FCGRT: variants seen among roughly 807,000 people sequenced by gnomAD.
FCGRT encodes Fc gamma receptor and transporter, also known as IgG receptor FcRn large subunit p51.
FCGRT carries 13 observed loss-of-function variants against 35.7 expected under a neutral mutation model. The ratio of observed to expected loss-of-function variants is 0.36; its 90% CI spans 0.24 to 0.58. FCGRT has a LOEUF of 0.58. FCGRT is among the 20% of genes least tolerant of loss of function. The probability of loss-of-function intolerance (pLI) is 0.77; values close to 1 mark genes in which losing one functional copy is unlikely to be tolerated. For missense variants in FCGRT, 455 were observed against 474.9 expected (o/e 0.96, Z 0.39); for synonymous variants, 233 against 216.5 (o/e 1.08, Z -0.67).
At chr19:49,513,164 G>A (rs571327923) in intron 1 of FCGRT, 4 of 338,264 alleles carry the variant, frequency 1.2e-5, no homozygotes, top group South Asian at 1.4e-4. Flanking sequence ...GGCGGAGCTC[G>A]GGGCCGGGAC....
intron 4 of FCGRT, among the ~76,000 whole-genome samples, chr19:49,518,146 ACT>A (rs2080019524): frequency 6.6e-6 from 1 of 151,840 alleles, no homozygotes; most frequent in South Asian, 2.1e-4. Context: ...TTAGTATGTA[ACT>A]CTACTAGGTA....
chr19:49,516,842 C>T (rs2080010624), intron 4 of FCGRT, among the ~76,000 whole-genome samples: 1 of 152,058 alleles, frequency 6.6e-6, no homozygotes, highest in African/African-American at 2.4e-5. Context: ...AGGCATGAGC[C>T]ACCACTCCTG....
Position 49,513,489 on chromosome 19 carries a change from G to A in FCGRT, c.73+16G>A. 1.6e-6 allele frequency: 2 copies of A among 1,242,656 alleles called. No homozygotes were observed. Among genetic ancestry groups the A allele is most frequent in the Non-Finnish European group, 2.0e-6 (2 of 987,978 alleles). 77.0% of individuals were successfully genotyped at this position (1,242,656 alleles called of 1,614,324 possible). A position where few individuals can be genotyped will look rare whatever the true frequency, so the allele number is the denominator to read the frequency against. On this transcript the variant is annotated intron_variant, in intron 2 of 6. Transcript: ENST00000221466. ...CTGGGCGCAGGTGAGGGCCGCTCCG[G>A]GCCAGGGCCCTGCTGCAGGCGGGCG...
Position 49,524,505 on chromosome 19 carries a change from A to G in FCGRT, c.602-2A>G, listed in dbSNP as rs112628631. On this transcript the variant is annotated splice_acceptor_variant, in intron 4 of 6. Transcript: ENST00000221466. LOFTEE classifies it high-confidence loss of function. ...TAGGCCTGTCTGCCTGATTTCCTGC[A>G]GAGCCCCCCTCCATGCGCCTGAAGG... 1 of 1,603,566 alleles carries G rather than the reference A, an allele frequency of 6.2e-7. No individual in the cohort carries two copies. Among genetic ancestry groups the G allele is most frequent in the African/African-American group, 1.3e-5 (1 of 74,712 alleles).
chr19:49,514,468 G>T lies in FCGRT; in HGVS notation c.583G>T (p.Gly195Ter). Residue 195 changes from glycine to a stop codon, truncating the protein, a stop_gained, in exon 4 of 7, where the codon GGA becomes TGA. Transcript: ENST00000221466. LOFTEE classifies it high-confidence loss of function. ...GCGGGAGCACCTGGAGAGGGGCCGC[G>T]GAAACCTGGAGTGGAAGGGTGAGCC... ...RLREHLERGRGNLEWKEPPSM... is the reference protein window; with the variant it reads ...RLREHLERGR The T allele has an allele frequency of 6.4e-7, 1 of 1,552,674 alleles. No individual in the cohort carries two copies.
At position 49,525,583 on chromosome 19, in the gene FCGRT, A is replaced by G. The variant is rs1277632341; in HGVS notation, c.988+10A>G. On this transcript the variant is annotated intron_variant, in intron 6 of 6. Coordinates refer to ENST00000221466, the MANE Select transcript of FCGRT (RefSeq NM_001136019.3). ...AGGAGTGGGCTGCCAGGTGGGGGGC[A>G]GCGGGAGGAAGAGCCTCTGAGAGAG... 2 of 1,579,162 alleles carry G rather than the reference A, an allele frequency of 1.3e-6. No individual in the cohort carries two copies. The highest frequency in any genetic ancestry group is 1.1e-5 in the South Asian group (1 of 90,256).
At position 49,524,533 on chromosome 19, in the gene FCGRT, C is replaced by T. The variant is rs1446659989; in HGVS notation, c.628C>T (p.Arg210Ter). Reference protein sequence around the residue: ...KEPPSMRLKARPSSPGFSVLT... With the variant: ...KEPPSMRLKA Reference sequence around the variant, plus strand: ...GCCCCCCTCCATGCGCCTGAAGGCCCGACCCAGCAGCCCTGGCTTTTCCGT... The same window carrying T: ...GCCCCCCTCCATGCGCCTGAAGGCCTGACCCAGCAGCCCTGGCTTTTCCGT... The change falls in exon 5 of 7, where the codon CGA becomes TGA. Residue 210 changes from arginine to a stop codon, truncating the protein, a stop_gained. Transcript: ENST00000221466. LOFTEE classifies it high-confidence loss of function. The T allele has an allele frequency of 6.2e-7, 1 of 1,610,292 alleles. No homozygotes were observed.
intron 4 of FCGRT, among the ~76,000 whole-genome samples, chr19:49,517,811 G>C (rs2080017216): frequency 1.3e-5 from 2 of 152,036 alleles, no homozygotes; most frequent in Admixed American, 6.6e-5. Flanking sequence ...TCCTGCCTCA[G>C]CCTCCTGAGT....
intron 4 of FCGRT, 35 bp downstream of exon 4, chr19:49,514,521 C>G: frequency 6.6e-7 from 1 of 1,513,130 alleles, no homozygotes; most frequent in Non-Finnish European, 8.8e-7. Flanking sequence ...CTGTTCTGTC[C>G]TCTCTCCCGT....
At chr19:49,519,260 C>G (rs2080026699) in intron 4 of FCGRT, among the ~76,000 whole-genome samples, 1 of 151,944 alleles carries the variant, frequency 6.6e-6, no homozygotes, top group Non-Finnish European at 1.5e-5. Flanking sequence ...TTGATGAAAT[C>G]CAGTTTATTC....
rs1217649925 is a variant in FCGRT at position 49,514,349 on chromosome 19, C to T, written c.464C>T (p.Pro155Leu). The T allele has an allele frequency of 6.2e-7, 1 of 1,613,536 alleles. No individual in the cohort carries two copies. Among genetic ancestry groups the T allele is most frequent in the South Asian group, 1.1e-5 (1 of 90,958 alleles). The change falls in exon 4 of 7, where the codon CCC becomes CTC. Residue 155 changes from proline (P) to leucine (L), a missense_variant. Physicochemically the swap from Pro to Leu is moderately conservative, Grantham distance 98. This residue lies in a region of FCGRT where 312 missense variants were observed against 296.1 expected (regional missense o/e 1.05). Transcript: ENST00000221466. Reference sequence around the variant, plus strand: ...CAGGGCACCTGGGGTGGGGACTGGCCCGAGGCCCTGGCTATCAGTCAGCGG... The same window carrying T: ...CAGGGCACCTGGGGTGGGGACTGGCTCGAGGCCCTGGCTATCAGTCAGCGG... The part of the protein sequence containing the change: ...LKQGTWGGDW[P>L]EALAISQRWQ...
chr19:49,518,092 C>T (rs183698646), intron 4 of FCGRT, among the ~76,000 whole-genome samples: 30 of 152,196 alleles, frequency 2.0e-4, no homozygotes, highest in Non-Finnish European at 3.7e-4. Context: ...TCCCAAAGTG[C>T]GGGAGTCACC....
At chr19:49,519,037 T>A (rs56126853) in intron 4 of FCGRT, among the ~76,000 whole-genome samples, 263 of 151,416 alleles carry the variant, frequency 1.7e-3, no homozygotes, top group Middle Eastern at 3.4e-3. Flanking sequence ...AGAGACAGAG[T>A]TTCACTGTGT....
At chr19:49,517,696 C>G (rs1397382956) in intron 4 of FCGRT, among the ~76,000 whole-genome samples, 6 of 151,912 alleles carry the variant, frequency 3.9e-5, no homozygotes, top group African/African-American at 1.4e-4. Context: ...GTGTTTTTTT[C>G]TTTGTTTGTT....
Position 49,514,220 on chromosome 19 carries a change from C to A in FCGRT, c.335C>A (p.Thr112Asn). Reference protein sequence around the residue: ...FKALGGKGPYTLQGLLGCELG... With the variant: ...FKALGGKGPYNLQGLLGCELG... ...TGTTTGGGCGCCCCAGGTCCCTACACTCTGCAGGGCCTGCTGGGCTGTGAA... is the reference window on the plus strand; with the variant it reads ...TGTTTGGGCGCCCCAGGTCCCTACAATCTGCAGGGCCTGCTGGGCTGTGAA... The change falls in exon 4 of 7, where the codon ACT becomes AAT. Residue 112 changes from threonine (T) to asparagine (N), a missense_variant. This residue lies in a region of FCGRT where 136 missense variants were observed against 158.9 expected (regional missense o/e 0.86). Coordinates refer to ENST00000221466, the MANE Select transcript of FCGRT (RefSeq NM_001136019.3). 6.2e-7 allele frequency: 1 copy of A among 1,610,666 alleles called. No individual in the cohort carries two copies. The highest frequency in any genetic ancestry group is 8.5e-7 in the Non-Finnish European group (1 of 1,178,512).
intron 5 of FCGRT, 158 bp from the exon 6 acceptor site, chr19:49,525,299 A>C (rs1182761010): frequency 5.9e-6 from 4 of 681,190 alleles, no homozygotes; most frequent in Non-Finnish European, 8.0e-6. Context: ...ACCTGGGGGC[A>C]GTCTGCCCAG....
chr19:49,518,360 CTTTT>C (rs56352202), intron 4 of FCGRT, among the ~76,000 whole-genome samples: 2 of 133,014 alleles, frequency 1.5e-5, no homozygotes, highest in Non-Finnish European at 3.2e-5. Context: ...TTCTTTCTTT[CTTTT>C]TTTTTTTTTT....
intron 4 of FCGRT, among the ~76,000 whole-genome samples, chr19:49,515,606 T>C (rs946372562): frequency 6.6e-6 from 1 of 152,136 alleles, no homozygotes; most frequent in African/African-American, 2.4e-5. Context: ...TTAAAATTTG[T>C]TGTAGAGGTG....
intron 2 of FCGRT, 95 bp downstream of exon 2, chr19:49,513,568 C>G (rs973576740): frequency 1.5e-6 from 1 of 679,128 alleles, no homozygotes; most frequent in East Asian, 3.4e-5. Flanking sequence ...CCGAGTTCCC[C>G]GCGAGCCCCT....
Sources: gnomAD v4.1 joint callset for allele counts (sites outside exome capture counted in the v4.1 genomes callset) on GRCh38, gnomAD v4.1.1 for gene constraint, gnomAD v4.1.1 regional missense constraint, MANE v1.5 for transcripts, NCBI Gene and HGNC (gene_info 2026-07-23, HGNC 2026-07-21) for gene names.